Variants in KRTDAP observed in about 807,000 individuals in gnomAD.
KRTDAP encodes the protein keratinocyte differentiation associated protein.
A neutral mutation model predicts 18.6 loss-of-function variants in KRTDAP; 14 were observed. The observed-to-expected ratio is 0.75, with a 90% CI of 0.50 to 1.18. The LOEUF is 1.18. Ranked by LOEUF, KRTDAP falls within the 50% of genes most tolerant of loss-of-function variation. KRTDAP has a pLI of 0.00. For synonymous variants in KRTDAP, 53 were observed against 49.5 expected (o/e 1.07, Z -0.29); for missense variants, 114 against 121.3 (o/e 0.94, Z 0.28).
At chr19:35,490,052 G>A (rs1441729575) in intron 1 of KRTDAP, among the ~76,000 whole-genome samples, 1 of 112,024 alleles carries the variant, frequency 8.9e-6, no homozygotes, top group African/African-American at 5.7e-5. Context: ...CGGAATGGGT[G>A]AACACTCTTG....
Position 35,490,424 on chromosome 19 carries a change from G to C in KRTDAP, c.19C>G (p.Pro7Ala). The change falls in exon 1 of 6, where the codon CCT becomes GCT. Residue 7 changes from proline (P) to alanine (A), a missense_variant. By Grantham distance (27) the Pro-to-Ala change is conservative (BLOSUM62 -1). Transcript: ENST00000338897. Reference sequence around the variant, plus strand: ...AGGAGGGAGAGGAGCACCACGGCAGGAAGGACCGGGATCTTCATGGCGTCA... The same window carrying C: ...AGGAGGGAGAGGAGCACCACGGCAGCAAGGACCGGGATCTTCATGGCGTCA... Reference protein sequence around the residue: MKIPVLPAVVLLSLLVL... With the variant: MKIPVLAAVVLLSLLVL... The C allele has an allele frequency of 6.2e-7, 1 of 1,613,518 alleles. No homozygotes were observed. The highest frequency in any genetic ancestry group is 8.5e-7 in the Non-Finnish European group (1 of 1,179,660).
chr19:35,487,689 C>G, intron 5 of KRTDAP, 23 bp downstream of exon 5: 1 of 1,602,788 alleles, frequency 6.2e-7, no homozygotes, highest in Non-Finnish European at 8.5e-7. Flanking sequence ...GCTCCATACC[C>G]TCCTAATGCC....
intron 4 of KRTDAP, 25 bp from the exon 5 acceptor site, chr19:35,487,784 G>T: frequency 6.3e-7 from 1 of 1,586,006 alleles, no homozygotes; most frequent in Non-Finnish European, 8.7e-7. Flanking sequence ...GAGAAAGAGA[G>T]TGATGTGTTG....
intron 4 of KRTDAP, 49 bp from the exon 5 acceptor site, chr19:35,487,808 C>A: frequency 1.6e-6 from 2 of 1,261,696 alleles, no homozygotes; most frequent in Non-Finnish European, 2.3e-6. Context: ...GTCAGCCGGG[C>A]ATGGATGGGT....
chr19:35,488,878 C>G, intron 1 of KRTDAP, 38 bp from the exon 2 acceptor site: 2 of 1,604,632 alleles, frequency 1.2e-6, no homozygotes, highest in Non-Finnish European at 1.7e-6. Flanking sequence ...CAGGGGGTCA[C>G]GTGATGCCAG....
chr19:35,489,409 A>G (rs1255919931), intron 1 of KRTDAP, among the ~76,000 whole-genome samples: 1 of 152,216 alleles, frequency 6.6e-6, no homozygotes, highest in Non-Finnish European at 1.5e-5. Flanking sequence ...CCAGATGCTT[A>G]GATCTCATAA....
intron 1 of KRTDAP, among the ~76,000 whole-genome samples, 159 bp downstream of exon 1, chr19:35,490,197 T>C (rs977915588): frequency 1.3e-5 from 2 of 152,178 alleles, no homozygotes; most frequent in Non-Finnish European, 2.9e-5. Flanking sequence ...TCCCCAGGGA[T>C]GCTCTGTTCC....
At chr19:35,490,242 C>A in intron 1 of KRTDAP, 114 bp downstream of exon 1, 1 of 619,562 alleles carries the variant, frequency 1.6e-6, no homozygotes, top group Non-Finnish European at 2.8e-6. Context: ...TTTCTTCAGC[C>A]CCCATCAGAA....
chr19:35,490,415 C>T lies in KRTDAP; in HGVS notation c.28G>A (p.Val10Met). The T allele has an allele frequency of 6.2e-7, 1 of 1,613,716 alleles. No individual in the cohort carries two copies. Among genetic ancestry groups the T allele is most frequent in the Non-Finnish European group, 8.5e-7 (1 of 1,179,802 alleles). The change falls in exon 1 of 6, where the codon GTG becomes ATG. Residue 10 changes from valine to methionine, a missense_variant. Coordinates refer to ENST00000338897, the MANE Select transcript of KRTDAP (RefSeq NM_207392.3). ...TGGAGCACCAGGAGGGAGAGGAGCA[C>T]CACGGCAGGAAGGACCGGGATCTTC... MKIPVLPAVVLLSLLVLHSA... is the reference protein window; with the variant it reads MKIPVLPAVMLLSLLVLHSA...
intron 5 of KRTDAP, 38 bp downstream of exon 5, chr19:35,487,674 C>T (rs757306055): frequency 1.3e-6 from 2 of 1,567,310 alleles, no homozygotes; most frequent in Admixed American, 1.7e-5. Context: ...TTCCCTTACC[C>T]CCAAGCTCCA....
At chr19:35,490,308 G>T in intron 1 of KRTDAP, 48 bp downstream of exon 1, 1 of 1,183,132 alleles carries the variant, frequency 8.5e-7, no homozygotes, top group Non-Finnish European at 1.2e-6. Context: ...AGATGGAGGG[G>T]TAGGTGGGTA....
chr19:35,488,598 C>T, intron 3 of KRTDAP, 64 bp downstream of exon 3: 1 of 1,610,228 alleles, frequency 6.2e-7, no homozygotes, highest in Middle Eastern at 1.7e-4. Flanking sequence ...AGCTCTCTAC[C>T]AAGGCGTTTA....
chr19:35,488,363 T>C, intron 4 of KRTDAP, 78 bp downstream of exon 4: 5 of 1,479,698 alleles, frequency 3.4e-6, no homozygotes, highest in Non-Finnish European at 4.6e-6. Flanking sequence ...ACCCATACAT[T>C]TAAAGCCAAA....
Position 35,488,815 on chromosome 19 carries a change from G to C in KRTDAP, c.113C>G (p.Ala38Gly). The C allele has an allele frequency of 6.2e-7, 1 of 1,614,102 alleles. No individual in the cohort carries two copies. The highest frequency in any genetic ancestry group is 8.5e-7 in the Non-Finnish European group (1 of 1,180,022). Residue 38 changes from alanine (A) to glycine (G), a missense_variant, in exon 2 of 6, where the codon GCG becomes GGG. By Grantham distance (60) the Ala-to-Gly change is moderately conservative. Coordinates refer to ENST00000338897, the MANE Select transcript of KRTDAP (RefSeq NM_207392.3). ...PEEESTIENY[A>G]SRPEAFNTPF... is the part of the protein sequence containing the mutation. ...CAGACGGCTTACCTCGGGTCGTGAC[G>C]CATAATTCTCAATGGTGCTTTCTTC...
chr19:35,488,438 C>A lies in KRTDAP; in HGVS notation c.213+3G>T. Reference sequence around the variant, plus strand: ...GGAGGGCAAGGGGCGCCGGAGCACTCACCTCAAAGAGGGCGTGCCAGTTCA... The same window carrying A: ...GGAGGGCAAGGGGCGCCGGAGCACTAACCTCAAAGAGGGCGTGCCAGTTCA... On this transcript the variant is annotated splice_donor_region_variant and intron_variant, in intron 4 of 5. Transcript: ENST00000338897. The A allele has an allele frequency of 6.2e-7, 1 of 1,612,414 alleles. No individual in the cohort carries two copies. The highest frequency in any genetic ancestry group is 1.1e-5 in the South Asian group (1 of 90,696).
intron 4 of KRTDAP, 58 bp from the exon 5 acceptor site, chr19:35,487,817 G>T: frequency 9.1e-7 from 1 of 1,104,558 alleles, no homozygotes; most frequent in Non-Finnish European, 1.4e-6. Context: ...GCATGGATGG[G>T]TAAGCATTCC....
rs759368030 is a variant in KRTDAP, at chr19:35,488,431, G to C, written c.213+10C>G. 20 of 1,611,922 alleles carry C rather than the reference G, an allele frequency of 1.2e-5. 1 individual carries two copies. In the South Asian group the frequency reaches 2.2e-4, roughly 18 times the overall value. ...CAACCGAGGAGGGCAAGGGGCGCCG[G>C]AGCACTCACCTCAAAGAGGGCGTGC... On this transcript the variant is annotated intron_variant, in intron 4 of 5. Coordinates refer to ENST00000338897, the MANE Select transcript of KRTDAP (RefSeq NM_207392.3).
At chr19:35,487,536 A>G in intron 5 of KRTDAP, 70 bp from the exon 6 acceptor site, 1 of 1,414,924 alleles carries the variant, frequency 7.1e-7, no homozygotes, top group Non-Finnish European at 1.0e-6. Context: ...ATGGATGGAA[A>G]GGAATTTCTG....
At chr19:35,489,159 G>A (rs1035253806) in intron 1 of KRTDAP, among the ~76,000 whole-genome samples, 1 of 152,202 alleles carries the variant, frequency 6.6e-6, no homozygotes, top group Non-Finnish European at 1.5e-5. Context: ...GGGGTGTTCT[G>A]GAGACACCCA....
Sources: gnomAD v4.1 joint callset for allele counts (sites outside exome capture counted in the v4.1 genomes callset) on GRCh38, gnomAD v4.1.1 for gene constraint, MANE v1.5 for transcripts, NCBI Gene and HGNC (gene_info 2026-07-23, HGNC 2026-07-21) for gene names.